The following LTBP1 variants were observed in gnomAD, a reference collection of about 807,000 sequenced individuals.
LTBP1 encodes the protein latent-transforming growth factor beta-binding protein 1.
LTBP1 carries 129 observed loss-of-function variants against 207.6 expected under a neutral mutation model. The ratio of observed to expected loss-of-function variants is 0.62; its 90% CI spans 0.54 to 0.72. The LOEUF is 0.72. Among genes scored for constraint, LTBP1 ranks in the 30% least tolerant of loss-of-function variants. LTBP1 has a pLI of 0.00. For synonymous variants in LTBP1, 963 were observed against 833.7 expected (o/e 1.16, Z -2.67); for missense variants, 2,281 against 2,217.2 (o/e 1.03, Z -0.58).
At chr2:33,034,090 A>C (rs543592306) in intron 3 of LTBP1, among the ~76,000 whole-genome samples, 2 of 152,298 alleles carry the variant, frequency 1.3e-5, no homozygotes, top group South Asian at 4.1e-4. Flanking sequence ...TCTTTCTCTC[A>C]GATGGCATTT....
At chr2:33,358,399 ATGTG>A (rs961727179) in intron 26 of LTBP1, among the ~76,000 whole-genome samples, 5 of 151,788 alleles carry the variant, frequency 3.3e-5, no homozygotes, top group Non-Finnish European at 7.4e-5. Flanking sequence ...GTCTATATAT[ATGTG>A]TGTGTGTTTA....
At chr2:33,361,221 G>A (rs2094923936) in intron 27 of LTBP1, among the ~76,000 whole-genome samples, 1 of 152,194 alleles carries the variant, frequency 6.6e-6, no homozygotes, top group East Asian at 1.9e-4. Flanking sequence ...TAGTGAACTT[G>A]GAGGTTTTTT....
Position 33,134,061 on chromosome 2 carries a change from C to T in LTBP1, c.1034-732C>T, listed in dbSNP as rs1203849095. ...TCTATGAATAGAGACAGTGAGAGCC[C>T]AAGGGTGTTATTTTTAGGGAGGCAA... On this transcript the variant is annotated intron_variant, in intron 4 of 33. Transcript: ENST00000404816. This position sits in a 1 kb window ranked among gnomAD's most constrained non-coding sequence, Gnocchi z 4.4. Among the ~76,000 whole-genome samples the T allele has an allele frequency of 5.9e-5, 9 of 152,174 alleles. No homozygotes were observed. Among genetic ancestry groups the T allele is most frequent in the Admixed American group, 5.2e-4 (8 of 15,282 alleles).
intron 2 of LTBP1, among the ~76,000 whole-genome samples, chr2:32,993,351 T>C (rs563723720): frequency 1.3e-5 from 2 of 152,162 alleles, no homozygotes; most frequent in African/African-American, 4.8e-5. Flanking sequence ...ATTCCCAGTA[T>C]CTTAGAGTTC....
chr2:32,972,350 A>G (rs892810357), intron 2 of LTBP1, among the ~76,000 whole-genome samples: 14 of 142,768 alleles, frequency 9.8e-5, no homozygotes, highest in Non-Finnish European at 2.0e-4. Flanking sequence ...TTTGGGGTTG[A>G]TTTGCTTTTG....
chr2:33,093,768 C>A (rs768103368), intron 3 of LTBP1, among the ~76,000 whole-genome samples: 1 of 151,892 alleles, frequency 6.6e-6, no homozygotes, highest in African/African-American at 2.4e-5. Context: ...TAATTGAATT[C>A]CACTGAGAAC....
At chr2:33,248,535 G>A (rs917083152) in intron 10 of LTBP1, among the ~76,000 whole-genome samples, 6 of 151,732 alleles carry the variant, frequency 4.0e-5, no homozygotes, top group South Asian at 4.2e-4. Context: ...AATAGGTGAC[G>A]TAACTGCAAT....
intron 9 of LTBP1, among the ~76,000 whole-genome samples, chr2:33,228,370 A>C (rs1042548336): frequency 6.6e-6 from 1 of 152,168 alleles, no homozygotes; most frequent in South Asian, 2.1e-4. Context: ...ATTATACCCC[A>C]TTTTACAGGA....
intron 3 of LTBP1, among the ~76,000 whole-genome samples, chr2:33,036,195 G>T (rs892639481): frequency 6.6e-6 from 1 of 152,206 alleles, no homozygotes; most frequent in Admixed American, 6.5e-5. Flanking sequence ...AATACGGCTT[G>T]TTGGGCCCCA....
chr2:32,950,302 A>G (rs1676903452), intron 2 of LTBP1, among the ~76,000 whole-genome samples: 2 of 152,186 alleles, frequency 1.3e-5, no homozygotes. Context: ...CATGCCTGTA[A>G]TCCCAGCACT....
Position 33,209,678 on chromosome 2 carries a change from C to G in LTBP1, c.1702-7874C>G, listed in dbSNP as rs146981073. Among the ~76,000 whole-genome samples the G allele has an allele frequency of 3.8e-3, 579 of 152,256 alleles. 1 individual carries two copies. The Middle Eastern group carries it at 0.051, about 13-fold the overall frequency. Reference sequence around the variant, plus strand: ...TTCTTTTATTTCTATATCTAACTTACGTGTTTATTTTATACATCTCTTATC... The same window carrying G: ...TTCTTTTATTTCTATATCTAACTTAGGTGTTTATTTTATACATCTCTTATC... On this transcript the variant is annotated intron_variant, in intron 7 of 33. Coordinates refer to ENST00000404816, the MANE Select transcript of LTBP1 (RefSeq NM_206943.4).
At chr2:33,177,942 A>G (rs6718325) in intron 5 of LTBP1, among the ~76,000 whole-genome samples, 12,102 of 152,216 alleles carry the variant, frequency 0.08, 1,039 homozygotes, top group African/African-American at 0.22. Flanking sequence ...TACGCTAGCC[A>G]AAAGCCCTTG....
intron 2 of LTBP1, among the ~76,000 whole-genome samples, chr2:32,996,021 G>A (rs1451787687): frequency 1.3e-5 from 2 of 152,100 alleles, no homozygotes; most frequent in South Asian, 2.1e-4. Context: ...TATACATATC[G>A]ATATGTGTTT....
At chr2:33,087,499 GA>G (rs1320896091) in intron 3 of LTBP1, among the ~76,000 whole-genome samples, 2 of 152,176 alleles carry the variant, frequency 1.3e-5, no homozygotes, top group African/African-American at 4.8e-5. Context: ...TAAGATGAGA[GA>G]ATTACTTTGT....
intron 3 of LTBP1, among the ~76,000 whole-genome samples, chr2:33,080,517 T>TA (rs1325352698): frequency 6.6e-6 from 1 of 152,240 alleles, no homozygotes; most frequent in Non-Finnish European, 1.5e-5. Flanking sequence ...GTCAAATCTT[T>TA]AAAAAAGTAT....
chr2:33,053,851 CT>C (rs1472921662), intron 3 of LTBP1, among the ~76,000 whole-genome samples: 1 of 152,190 alleles, frequency 6.6e-6, no homozygotes, highest in Non-Finnish European at 1.5e-5. Flanking sequence ...TGGCACGAGG[CT>C]TCCAAACTGG....
At chr2:33,287,091 AAT>A (rs749685102) in intron 19 of LTBP1, among the ~76,000 whole-genome samples, 3 of 151,224 alleles carry the variant, frequency 2.0e-5, no homozygotes, top group African/African-American at 4.9e-5. Context: ...ATAAAAATAA[AAT>A]AAAAACAACA....
At chr2:33,382,671 C>G (rs1321676308) in intron 31 of LTBP1, among the ~76,000 whole-genome samples, 1 of 152,150 alleles carries the variant, frequency 6.6e-6, no homozygotes, top group East Asian at 1.9e-4. Flanking sequence ...AGAGCTAAGG[C>G]AAAGAGTACC....
chr2:33,070,697 C>G (rs545794389), intron 3 of LTBP1, among the ~76,000 whole-genome samples: 5 of 152,324 alleles, frequency 3.3e-5, no homozygotes, highest in Admixed American at 1.3e-4. Context: ...GGGCTTCTTT[C>G]CTTCTAATTT....
Sources: allele counts gnomAD v4.1 joint callset (sites outside exome capture counted in the v4.1 genomes callset), GRCh38; gene constraint gnomAD v4.1.1; non-coding constraint Gnocchi (gnomAD v3.1); transcripts MANE v1.5; gene names NCBI Gene and HGNC (gene_info 2026-07-23, HGNC 2026-07-21).